Variants in RELN observed in about 807,000 individuals in gnomAD.
The protein encoded by RELN is reelin.
Under a neutral mutation model 427.6 loss-of-function variants are expected in RELN, and 108 were observed. That is an observed-to-expected ratio of 0.25 (90% CI 0.22 to 0.30). The LOEUF is 0.30. Ranked by LOEUF, RELN falls within the 10% of genes least tolerant of loss-of-function variation. RELN has a pLI of 1.00. For synonymous variants in RELN, 1,524 were observed against 1,513.4 expected (o/e 1.01, Z -0.16); for missense variants, 3,715 against 4,302.8 (o/e 0.86, Z 3.82).
intron 46 of RELN, among the ~76,000 whole-genome samples, chr7:103,523,856 T>G (rs1238698579): frequency 6.6e-6 from 1 of 152,036 alleles, no homozygotes; most frequent in Non-Finnish European, 1.5e-5. Context: ...TTTTGTATTT[T>G]AGGGGAGACA....
At chr7:103,616,909 T>C (rs1832093640) in intron 20 of RELN, among the ~76,000 whole-genome samples, 1 of 152,302 alleles carries the variant, frequency 6.6e-6, no homozygotes, top group South Asian at 2.1e-4. Context: ...TTTCTTGGGA[T>C]AAATTCCCAA....
chr7:103,533,774 G>C (rs1304618669), intron 46 of RELN, among the ~76,000 whole-genome samples: 2 of 152,158 alleles, frequency 1.3e-5, no homozygotes, highest in Non-Finnish European at 2.9e-5. Flanking sequence ...TTGAGTAAAA[G>C]ACTCAAGGGC....
At chr7:103,880,091 C>T (rs1794572282) in intron 2 of RELN, among the ~76,000 whole-genome samples, 1 of 151,990 alleles carries the variant, frequency 6.6e-6, no homozygotes, top group Non-Finnish European at 1.5e-5. Flanking sequence ...TTCTGCCCAA[C>T]AGTAGCCAAG....
At chr7:103,522,847 A>ACACACAGACACACACCCC (rs1302601499) in intron 47 of RELN, among the ~76,000 whole-genome samples, 1 of 151,728 alleles carries the variant, frequency 6.6e-6, no homozygotes, top group Non-Finnish European at 1.5e-5. Flanking sequence ...AGACACACAC[A>ACACACAGACACACACCCC]CACACCCCCA....
intron 5 of RELN, among the ~76,000 whole-genome samples, chr7:103,751,973 C>G (rs1791013683): frequency 6.6e-6 from 1 of 152,088 alleles, no homozygotes; most frequent in Non-Finnish European, 1.5e-5. Flanking sequence ...TAAAATAAAT[C>G]TTCACTGACA....
chr7:103,801,417 C>A (rs1182592670), intron 3 of RELN, among the ~76,000 whole-genome samples: 1 of 152,126 alleles, frequency 6.6e-6, no homozygotes, highest in African/African-American at 2.4e-5. Flanking sequence ...AGGATGAGTT[C>A]ATGTCGTTTG....
chr7:103,966,506 A>G (rs1160959191), intron 1 of RELN, among the ~76,000 whole-genome samples: 1 of 152,198 alleles, frequency 6.6e-6, no homozygotes, highest in Non-Finnish European at 1.5e-5. Flanking sequence ...TTTCTCATCA[A>G]CATTATAATG....
intron 20 of RELN, among the ~76,000 whole-genome samples, chr7:103,628,741 C>G (rs1832384696): frequency 6.6e-6 from 1 of 152,170 alleles, no homozygotes; most frequent in Non-Finnish European, 1.5e-5. Context: ...TTGGTCTGAC[C>G]ATGACTTAAT....
chr7:103,871,263 A>G (rs1794327446), intron 2 of RELN, among the ~76,000 whole-genome samples: 2 of 53,646 alleles, frequency 3.7e-5, no homozygotes, highest in Non-Finnish European at 9.3e-5. Context: ...AGAATAAATG[A>G]ATGAAAGAAA....
intron 10 of RELN, among the ~76,000 whole-genome samples, chr7:103,687,379 A>G (rs1833785376): frequency 6.6e-6 from 1 of 152,146 alleles, no homozygotes; most frequent in South Asian, 2.1e-4. Context: ...TTTACAGTAA[A>G]ATAGACCTGG....
chr7:103,740,987 T>C (rs912392646), intron 6 of RELN, among the ~76,000 whole-genome samples: 1 of 152,172 alleles, frequency 6.6e-6, no homozygotes, highest in Non-Finnish European at 1.5e-5. Flanking sequence ...TATCTGGTGG[T>C]GTGTGGCAGT....
Position 103,924,577 on chromosome 7 carries a change from G to A in RELN, c.227-7392C>T, listed in dbSNP as rs117626360. 5.1e-4 allele frequency among the ~76,000 whole-genome samples: 77 copies of A among 152,202 alleles called. No homozygotes were observed. The East Asian group carries it at 0.013, about 25-fold the overall frequency. On this transcript the variant is annotated intron_variant, in intron 1 of 64. Transcript: ENST00000428762. ...CCATCATATGCAAAACTTAATGACC[G>A]ATGAAAACACCTTCCAGGGTCTGGA... is the stretch of plus-strand genomic sequence containing the variant.
At position 103,519,285 on chromosome 7, in the gene RELN, C is replaced by T. The variant is rs760700067; in HGVS notation, c.7862+38G>A. The stretch of plus-strand genomic sequence containing the variant: ...CTGATTGCTGGTAGCAATCTCTGCT[C>T]GATGTACTCGTTATTAGATATCAAA... On this transcript the variant is annotated intron_variant, in intron 49 of 64. Coordinates refer to ENST00000428762, the MANE Select transcript of RELN (RefSeq NM_005045.4). 10 of 1,503,594 alleles carry T rather than the reference C, an allele frequency of 6.7e-6. No individual in the cohort carries two copies. The African/African-American group carries it at 9.6e-5, about 14-fold the overall frequency. 93.1% of individuals were successfully genotyped at this position (1,503,594 alleles called of 1,614,324 possible).
At chr7:103,630,851 G>GTTTGTTTGT (rs1562930901) in intron 19 of RELN, among the ~76,000 whole-genome samples, 6 of 20,574 alleles carry the variant, frequency 2.9e-4, no homozygotes, top group Admixed American at 3.8e-4. Context: ...TTATTTTTTT[G>GTTTGTTTGT]TTTTTTTTGT....
At chr7:103,857,610 C>T (rs1793976707) in intron 2 of RELN, among the ~76,000 whole-genome samples, 2 of 152,162 alleles carry the variant, frequency 1.3e-5, no homozygotes, top group African/African-American at 2.4e-5. Flanking sequence ...TATGAATCTG[C>T]CTGCATATGG....
chr7:103,817,465 A>C (rs1490624703), intron 3 of RELN, among the ~76,000 whole-genome samples: 1 of 152,210 alleles, frequency 6.6e-6, no homozygotes, highest in Non-Finnish European at 1.5e-5. Flanking sequence ...GGAGGTGAAA[A>C]AGACTTTTAC....
At chr7:103,827,325 AAGG>A (rs1373610012) in intron 3 of RELN, among the ~76,000 whole-genome samples, 2 of 151,932 alleles carry the variant, frequency 1.3e-5, no homozygotes, top group Non-Finnish European at 2.9e-5. Flanking sequence ...GACTTCTTGG[AAGG>A]AGGAGGAGAC....
At position 103,596,611 on chromosome 7, in the gene RELN, G is replaced by T. The variant is rs753534047; in HGVS notation, c.3384C>A (p.Asp1128Glu). ...CTATCTGGATGTAGAACTGGACAAA[G>T]TCCACCCAAGAAGTATCCAGGTCCC... is the stretch of plus-strand genomic sequence containing the variant. ...VSWDLDTSWV[D>E]FVQFYIQIGG... is the part of the protein sequence containing the mutation. Residue 1128 changes from aspartate (D) to glutamate (E), a missense_variant, in exon 25 of 65, where the codon GAC (aspartate) becomes GAA (glutamate). Asp to Glu is a conservative substitution (Grantham distance 45, BLOSUM62 2). Coordinates refer to ENST00000428762, the MANE Select transcript of RELN (RefSeq NM_005045.4). 1 of 1,614,056 alleles carries T rather than the reference G, an allele frequency of 6.2e-7. No individual in the cohort carries two copies.
At chr7:103,933,636 C>T (rs1795913113) in intron 1 of RELN, among the ~76,000 whole-genome samples, 1 of 152,024 alleles carries the variant, frequency 6.6e-6, no homozygotes, top group Non-Finnish European at 1.5e-5. Flanking sequence ...CCCAGGTTGC[C>T]TAAGAGCTAG....
Sources: allele counts gnomAD v4.1 joint callset (sites outside exome capture counted in the v4.1 genomes callset), GRCh38; gene constraint gnomAD v4.1.1; transcripts MANE v1.5; gene names NCBI Gene and HGNC (gene_info 2026-07-23, HGNC 2026-07-21).